STXBP2: variants seen among roughly 807,000 people sequenced by gnomAD.
STXBP2 encodes the protein syntaxin binding protein 2.
Under a neutral mutation model 72.2 loss-of-function variants are expected in STXBP2, and 47 were observed. The ratio of observed to expected loss-of-function variants is 0.65; its 90% CI spans 0.51 to 0.83. The LOEUF (loss-of-function observed/expected upper bound fraction) is 0.83, where lower values mean the gene tolerates loss of function less well. Among genes scored for constraint, STXBP2 ranks in the 40% least tolerant of loss-of-function variants. The probability of loss-of-function intolerance (pLI) is 0.00; values close to 1 mark genes in which losing one functional copy is unlikely to be tolerated. For missense variants in STXBP2, 702 were observed against 807.6 expected, an observed-to-expected ratio of 0.87 and a Z score of 1.58; for synonymous variants, 367 against 338.7, an observed-to-expected ratio of 1.08 and a Z score of -0.92.
rs1568472109 is a variant in STXBP2 at position 7,647,395 on chromosome 19, A to G, written c.1580A>G (p.Glu527Gly). ...TGGCACAAGAACAAGGCTGGCATAG[A>G]AGCCCGGGCGGGCCCCCGGCTCATC... Reference protein sequence around the residue: ...GHWHKNKAGIEARAGPRLIVY... With the variant: ...GHWHKNKAGIGARAGPRLIVY... The change falls in exon 18 of 19, where the codon GAA becomes GGA. Residue 527 changes from glutamate (E) to glycine (G), a missense_variant. Transcript: ENST00000221283. 4 of 1,613,426 alleles carry G rather than the reference A, an allele frequency of 2.5e-6. No homozygotes were observed. Among genetic ancestry groups the G allele is most frequent in the Non-Finnish European group, 3.4e-6 (4 of 1,179,946 alleles).
rs773917703 is a variant in STXBP2, at chr19:7,647,725, G to A, written c.1697G>A (p.Gly566Asp). 1.9e-6 allele frequency: 3 copies of A among 1,614,076 alleles called. No homozygotes were observed. The South Asian group carries it at 3.3e-5, about 18-fold the overall frequency. Residue 566 changes from glycine (G) to aspartate (D), a missense_variant and splice_region_variant, in exon 19 of 19, where the codon GGC becomes GAC. Gly to Asp is a moderately conservative substitution (Grantham distance 94). Coordinates refer to ENST00000221283, the MANE Select transcript of STXBP2 (RefSeq NM_006949.4). ...ATEGKWEVLI[G>D]SSHILTPTRF... The stretch of plus-strand genomic sequence containing the variant: ...TCCCCAAACCTCTGCCCCTGCACAG[G>A]CTCCTCACACATCCTCACCCCGACC...
In STXBP2 at chr19:7,642,082, G is replaced by A. The variant is rs1294380931; in HGVS notation, c.627G>A (p.Leu209=). 1.2e-6 allele frequency: 2 copies of A among 1,614,086 alleles called. No homozygotes were observed. Among genetic ancestry groups the A allele is most frequent in the Admixed American group, 1.7e-5 (1 of 60,022 alleles). The change falls in exon 8 of 19, where the codon CTG becomes CTA. Residue 209 remains leucine (L), a synonymous_variant. Transcript: ENST00000221283. This position sits in a 1 kb window ranked among gnomAD's most constrained non-coding sequence, Gnocchi z 6.0. ...AQLAHAVLAK[L]NAFKADTPSL... is the part of the protein sequence containing the mutation. ...TGGCCCACGCCGTCCTGGCCAAGCT[G>A]AACGCCTTCAAGGCAGACACTCCCA...
chr19:7,639,847 C>T lies in STXBP2; in HGVS notation c.246+40C>T, dbSNP rs200272794. On this transcript the variant is annotated intron_variant, in intron 4 of 18. Transcript: ENST00000221283. ...GAGCGTGTGTGTATGCGCGTGCATG[C>T]GTGTACATGTGCATGTGTGTGTATG... 5.7e-4 allele frequency: 911 copies of T among 1,590,072 alleles called. 8 individuals carry two copies. The South Asian group carries it at 6.7e-3, about 12-fold the overall frequency.
Position 7,642,031 on chromosome 19 carries a change from C to T in STXBP2, c.579-3C>T. On this transcript the variant is annotated splice_region_variant and splice_polypyrimidine_tract_variant and intron_variant, in intron 7 of 18. Transcript: ENST00000221283. This position sits in a 1 kb window ranked among gnomAD's most constrained non-coding sequence, Gnocchi z 6.0. The stretch of plus-strand genomic sequence containing the variant: ...TGTCCCCCGTGTCTGACCTCCCCGC[C>T]AGGGGCCCAGAGGACACAGCCCAGT... 1 of 1,614,030 alleles carries T rather than the reference C, an allele frequency of 6.2e-7. No homozygotes were observed. The highest frequency in any genetic ancestry group is 8.5e-7 in the Non-Finnish European group (1 of 1,179,930).
chr19:7,640,939 G>A lies in STXBP2; in HGVS notation c.365G>A (p.Arg122His), dbSNP rs144914451. The change falls in exon 6 of 19, where the codon CGT becomes CAT. Residue 122 changes from arginine (R) to histidine (H), a missense_variant. Coordinates refer to ENST00000221283, the MANE Select transcript of STXBP2 (RefSeq NM_006949.4). ...EPLFSELGRS[R>H]LAKVVKTLKE... is the part of the protein sequence containing the mutation. ...CTGTTCAGTGAGCTAGGCCGCTCTC[G>A]TCTGGCAAAGGTGGTGAAGACGTTG... The A allele has an allele frequency of 4.2e-4, 683 of 1,614,206 alleles. 2 individuals carry two copies. In the African/African-American group the frequency reaches 7.8e-3, roughly 18 times the overall value.
At chr19:7,629,821 C>A in the STXBP2 span, 9 of 1,536,514 alleles carry the variant, frequency 5.9e-6, no homozygotes, top group Non-Finnish European at 7.8e-6. Flanking sequence ...CTTTGTTGAC[C>A]GGGAGAAACG....
chr19:7,640,412 GTA>G (rs765137184), intron 4 of STXBP2: 57 of 574,532 alleles, frequency 9.9e-5, no homozygotes, highest in African/African-American at 4.8e-4. Flanking sequence ...ATGTGTGTAT[GTA>G]TGTGTGCGCG....
upstream of STXBP2, chr19:7,633,517 C>T: frequency 6.6e-7 from 1 of 1,525,674 alleles, no homozygotes. Context: ...CCAGAGAGGG[C>T]CTTTTAAACG....
At chr19:7,631,264 A>G in the STXBP2 span, 1 of 1,414,940 alleles carries the variant, frequency 7.1e-7, no homozygotes, top group African/African-American at 1.4e-5. Flanking sequence ...AGAGGAGTAG[A>G]TGGTTTCCTT....
chr19:7,640,586 G>T, intron 4 of STXBP2, 145 bp from the exon 5 acceptor site: 1 of 1,040,706 alleles, frequency 9.6e-7, no homozygotes, highest in South Asian at 1.3e-5. Flanking sequence ...ATGTGGGTGC[G>T]ACACTAGTGT....
chr19:7,629,824 G>A, the STXBP2 span: 1 of 1,536,868 alleles, frequency 6.5e-7, no homozygotes, highest in Admixed American at 2.0e-5. Context: ...TGTTGACCGG[G>A]AGAAACGAGA....
chr19:7,632,450 C>T, upstream of STXBP2: 1 of 1,613,898 alleles, frequency 6.2e-7, no homozygotes, highest in Non-Finnish European at 8.5e-7. This position sits in a 1 kb window ranked among gnomAD's most constrained non-coding sequence, Gnocchi z 5.2. Flanking sequence ...GTTGGTCATC[C>T]ATGCGGCGGC....
chr19:7,638,746 C>T lies in STXBP2; in HGVS notation c.58C>T (p.Arg20Trp), dbSNP rs1030575812. 7.4e-6 allele frequency: 12 copies of T among 1,613,958 alleles called. No homozygotes were observed. Among genetic ancestry groups the T allele is most frequent in the South Asian group, 1.1e-5 (1 of 91,066 alleles). Residue 20 changes from arginine to tryptophan, a missense_variant, in exon 2 of 19, where the codon CGG becomes TGG. Physicochemically the swap from Arg to Trp is moderately radical, Grantham distance 101. Transcript: ENST00000221283. ...VGEKILSGVI[R>W]SVKKDGEWKV... is the part of the protein sequence containing the mutation. ...TGCAGAAATTCTGAGCGGAGTTATTCGGAGTGTCAAGAAGGATGGGGAGTG... is the reference window on the plus strand; with the variant it reads ...TGCAGAAATTCTGAGCGGAGTTATTTGGAGTGTCAAGAAGGATGGGGAGTG...
chr19:7,640,068 G>A (rs1035337112), intron 4 of STXBP2: 6 of 637,338 alleles, frequency 9.4e-6, no homozygotes, highest in Non-Finnish European at 1.7e-5. Flanking sequence ...ATGTGTGTAT[G>A]CGTGTGTGTC....
rs1182845902 is a variant in STXBP2 at position 7,642,157 on chromosome 19, C to T, written c.663+39C>T. On this transcript the variant is annotated intron_variant, in intron 8 of 18. Coordinates refer to ENST00000221283, the MANE Select transcript of STXBP2 (RefSeq NM_006949.4). The surrounding 1 kb of genome is among the most constrained non-coding windows in gnomAD (Gnocchi z 6.0). Reference sequence around the variant, plus strand: ...CTTGGGAGGTGAGGGGCAGCCCCAACCGGCTCAGGGTCAGTGCCTCATTCC... The same window carrying T: ...CTTGGGAGGTGAGGGGCAGCCCCAATCGGCTCAGGGTCAGTGCCTCATTCC... 1 of 1,613,944 alleles carries T rather than the reference C, an allele frequency of 6.2e-7. No individual in the cohort carries two copies. The highest frequency in any genetic ancestry group is 1.3e-5 in the African/African-American group (1 of 74,896).
the STXBP2 span, chr19:7,631,837 GA>G: frequency 1.4e-6 from 2 of 1,383,994 alleles, no homozygotes; most frequent in East Asian, 2.7e-5. Context: ...CAGCCAGGGG[GA>G]GGGCTCAAGG....
chr19:7,644,544 C>T (rs960949380), intron 13 of STXBP2, 70 bp from the exon 14 acceptor site: 18 of 1,594,822 alleles, frequency 1.1e-5, no homozygotes, highest in Middle Eastern at 1.7e-4. Context: ...TGGGGATGTC[C>T]TTGGCCCGCC....
At chr19:7,646,828 C>A (rs1457493103) in intron 16 of STXBP2, 2 of 462,676 alleles carry the variant, frequency 4.3e-6, no homozygotes, top group Non-Finnish European at 7.8e-6. Context: ...AGAGCCCAGA[C>A]ACTGGGTTCC....
chr19:7,639,598 A>C (rs2031704255), intron 3 of STXBP2, 133 bp from the exon 4 acceptor site: 2 of 799,222 alleles, frequency 2.5e-6, no homozygotes, highest in Non-Finnish European at 4.2e-6. Flanking sequence ...GTGGTCCCTA[A>C]GTGGGTTTCT....
Sources: allele counts gnomAD v4.1 joint callset, GRCh38; gene constraint gnomAD v4.1.1; non-coding constraint Gnocchi (gnomAD v3.1); transcripts MANE v1.5; gene names NCBI Gene and HGNC (gene_info 2026-07-23, HGNC 2026-07-21).